FERMT2: variants seen among roughly 807,000 people sequenced by gnomAD.
The protein encoded by FERMT2 is FERM domain containing kindlin 2.
A neutral mutation model predicts 82.7 loss-of-function variants in FERMT2; 15 were observed. That is an observed-to-expected ratio of 0.18 (90% confidence interval 0.12 to 0.28). The LOEUF is 0.28. Ranked by LOEUF, FERMT2 falls within the 10% of genes least tolerant of loss-of-function variation. The pLI, the probability that FERMT2 is intolerant of heterozygous loss-of-function variation, is 1.00. For synonymous variants in FERMT2, 274 were observed against 271.5 expected (o/e 1.01, Z -0.09); for missense variants, 645 against 809.4 (o/e 0.80, Z 2.46).
At chr14:52,926,756 G>C (rs373700962) in intron 2 of FERMT2, among the ~76,000 whole-genome samples, 6 of 119,304 alleles carry the variant, frequency 5.0e-5, no homozygotes, top group Admixed American at 5.0e-4. Flanking sequence ...GCCATCACTT[G>C]TTTTCCTTCT....
chr14:52,948,617 A>T (rs1264982630), intron 2 of FERMT2: 1 of 453,934 alleles, frequency 2.2e-6, no homozygotes, highest in Non-Finnish European at 4.4e-6. Flanking sequence ...GCATTAAAAG[A>T]TTAAGATTAT....
At chr14:52,861,052 A>G (rs1884897630) in intron 12 of FERMT2, 3 of 1,500,924 alleles carry the variant, frequency 2.0e-6, no homozygotes, top group Non-Finnish European at 2.7e-6. Context: ...TGGCAATGCG[A>G]GGAAAGAAAA....
At chr14:52,904,652 C>T (rs1887883281) in intron 3 of FERMT2, among the ~76,000 whole-genome samples, 1 of 150,918 alleles carries the variant, frequency 6.6e-6, no homozygotes, top group African/African-American at 2.4e-5. Flanking sequence ...GAGATTGCAC[C>T]ACTGCACTCC....
chr14:52,887,302 G>C (rs147781817), intron 4 of FERMT2, among the ~76,000 whole-genome samples: 1 of 151,942 alleles, frequency 6.6e-6, no homozygotes, highest in Admixed American at 6.6e-5. Context: ...CAAGGCAGGA[G>C]GATTGCTTGA....
chr14:52,892,166 G>GTTTTTTTTTT (rs10547747), intron 4 of FERMT2, among the ~76,000 whole-genome samples: 12 of 128,826 alleles, frequency 9.3e-5, no homozygotes, highest in East Asian at 4.6e-4. Context: ...GCTGTTTTTT[G>GTTTTTTTTTT]TTTTTTTTTT....
intron 4 of FERMT2, among the ~76,000 whole-genome samples, chr14:52,885,715 AAC>A (rs1345603992): frequency 1.3e-5 from 2 of 152,232 alleles, no homozygotes; most frequent in African/African-American, 2.4e-5. Flanking sequence ...GCTATATTTT[AAC>A]ACAGTAAAAT....
Position 52,857,570 on chromosome 14 carries a change from C to T in FERMT2, c.*807G>A, listed in dbSNP as rs181260581. The T allele has an allele frequency of 1.9e-4, 29 of 152,670 alleles. No homozygotes were observed. The highest frequency in any genetic ancestry group is 4.3e-4 in the African/African-American group (18 of 41,526). 9.5% of individuals were successfully genotyped at this position (152,670 alleles called of 1,614,324 possible). On this transcript the variant is annotated 3_prime_UTR_variant, in exon 15 of 15. Transcript: ENST00000341590. ...ATATCTCTTAAAGGCATTTAATTAA[C>T]GCAGAGATTGCTACATTTAAGCCAT...
At chr14:52,873,776 T>C (rs1885777514) in intron 9 of FERMT2, 1 of 157,836 alleles carries the variant, frequency 6.3e-6, no homozygotes, top group African/African-American at 2.4e-5. Flanking sequence ...TTACATAAAA[T>C]GTTCCATGAA....
chr14:52,893,374 T>G lies in FERMT2; in HGVS notation c.445A>C (p.Lys149Gln). ...SLLKKPRDPT[K>Q]KKKKKLDDQS... Reference sequence around the variant, plus strand: ...TCATCTAGCTTCTTCTTTTTTTTCTTTGTTGGATCTCTGGGTTTCTTTAAG... The same window carrying G: ...TCATCTAGCTTCTTCTTTTTTTTCTGTGTTGGATCTCTGGGTTTCTTTAAG... The change falls in exon 4 of 15, where the codon AAG (lysine) becomes CAG (glutamine). Residue 149 changes from lysine to glutamine, a missense_variant. Physicochemically the swap from Lys to Gln is moderately conservative, Grantham distance 53. Coordinates refer to ENST00000341590, the MANE Select transcript of FERMT2 (RefSeq NM_006832.3). 1 of 1,612,802 alleles carries G rather than the reference T, an allele frequency of 6.2e-7. No homozygotes were observed. Among genetic ancestry groups the G allele is most frequent in the Non-Finnish European group, 8.5e-7 (1 of 1,179,352 alleles).
chr14:52,907,932 G>C (rs1303376219), intron 3 of FERMT2, among the ~76,000 whole-genome samples: 2 of 152,216 alleles, frequency 1.3e-5, no homozygotes, highest in African/African-American at 4.8e-5. Context: ...CAGATTGTGA[G>C]AAAATATTTG....
intron 2 of FERMT2, among the ~76,000 whole-genome samples, chr14:52,936,536 C>A (rs779184036): frequency 7.9e-5 from 12 of 152,132 alleles, no homozygotes; most frequent in Non-Finnish European, 1.6e-4. Context: ...TTGAGCCTCA[C>A]GTCAAGCCAC....
At chr14:52,901,087 C>T (rs1171616179) in intron 3 of FERMT2, among the ~76,000 whole-genome samples, 5 of 137,316 alleles carry the variant, frequency 3.6e-5, no homozygotes, top group Admixed American at 3.0e-4. Flanking sequence ...GGTGAAACCC[C>T]GGTCTCTACT....
chr14:52,887,360 A>C (rs989174781), intron 4 of FERMT2, among the ~76,000 whole-genome samples: 1 of 152,080 alleles, frequency 6.6e-6, no homozygotes, highest in Non-Finnish European at 1.5e-5. Context: ...AAAAAATACA[A>C]AAATTAGCTG....
chr14:52,943,567 A>G (rs1890192450), intron 2 of FERMT2, among the ~76,000 whole-genome samples: 3 of 152,284 alleles, frequency 2.0e-5, no homozygotes, highest in South Asian at 4.1e-4. Context: ...AAGTGAATCA[A>G]TGTTGAATTT....
intron 2 of FERMT2, among the ~76,000 whole-genome samples, chr14:52,936,820 A>G (rs1353367806): frequency 1.3e-5 from 2 of 152,220 alleles, no homozygotes; most frequent in East Asian, 1.9e-4. Context: ...AACTATTTCA[A>G]TTACCATAAT....
intron 2 of FERMT2, among the ~76,000 whole-genome samples, chr14:52,938,660 A>C (rs951045958): frequency 2.0e-5 from 3 of 152,024 alleles, no homozygotes; most frequent in Admixed American, 6.6e-5. Flanking sequence ...TCCACCTCCC[A>C]GGTTCAAGTG....
intron 4 of FERMT2, among the ~76,000 whole-genome samples, chr14:52,884,399 C>T (rs1389729867): frequency 3.9e-5 from 6 of 151,940 alleles, no homozygotes; most frequent in Admixed American, 1.3e-4. Context: ...GTCAGGAGTT[C>T]GAGACCAGCC....
chr14:52,866,797 A>G lies in FERMT2; in HGVS notation c.1274-1944T>C, dbSNP rs147184378. Among the ~76,000 whole-genome samples, 500 of 152,176 alleles carry G rather than the reference A, an allele frequency of 3.3e-3. 4 individuals carry two copies. The highest frequency in any genetic ancestry group is 0.011 in the African/African-American group (462 of 41,516). Reference sequence around the variant, plus strand: ...AAGCCACCAGAAGTTAAGTCCATCCATTTCCTGCCACCGTACAAGATAAAC... The same window carrying G: ...AAGCCACCAGAAGTTAAGTCCATCCGTTTCCTGCCACCGTACAAGATAAAC... On this transcript the variant is annotated intron_variant, in intron 10 of 14. Transcript: ENST00000341590.
intron 2 of FERMT2, among the ~76,000 whole-genome samples, chr14:52,937,233 G>A (rs1296051721): frequency 2.6e-5 from 4 of 152,070 alleles, no homozygotes. Context: ...TAGAGTGAGG[G>A]TTAAGGAATG....
Sources: gnomAD v4.1 joint callset for allele counts (sites outside exome capture counted in the v4.1 genomes callset) on GRCh38, gnomAD v4.1.1 for gene constraint, MANE v1.5 for transcripts, NCBI Gene and HGNC (gene_info 2026-07-23, HGNC 2026-07-21) for gene names.